The following SEMA3A variants were observed in gnomAD, a reference collection of about 807,000 sequenced individuals.
The protein encoded by SEMA3A is semaphorin 3A.
In SEMA3A, 29 loss-of-function variants were observed where a neutral mutation model predicts 97.9. That is an observed-to-expected ratio of 0.30 (90% CI 0.22 to 0.40). The LOEUF (loss-of-function observed/expected upper bound fraction) is 0.40, where lower values mean the gene tolerates loss of function less well. SEMA3A is among the 10% of genes least tolerant of loss of function. The pLI is 1.00. For missense variants in SEMA3A, 763 were observed against 951.3 expected (o/e 0.80, Z 2.60); for synonymous variants, 321 against 323.7 (o/e 0.99, Z 0.09).
chr7:84,363,039 G>A (rs1245284218), intron 2 of SEMA3A, among the ~76,000 whole-genome samples: 5 of 151,950 alleles, frequency 3.3e-5, no homozygotes, highest in East Asian at 3.9e-4. Context: ...GCAGGAAATA[G>A]ATGATATGCC....
At chr7:84,105,578 C>G (rs1795083928) in intron 4 of SEMA3A, among the ~76,000 whole-genome samples, 2 of 152,092 alleles carry the variant, frequency 1.3e-5, no homozygotes, top group African/African-American at 4.8e-5. Context: ...CAATTCAGCT[C>G]TCATCTGGGC....
In SEMA3A at chr7:84,467,675, A is replaced by C. The variant is rs542171798; in HGVS notation, c.-246+24785T>G. Among the ~76,000 whole-genome samples the C allele has an allele frequency of 3.9e-5, 6 of 152,110 alleles. 1 individual carries two copies. Among genetic ancestry groups the C allele is most frequent in the African/African-American group, 1.4e-4 (6 of 41,486 alleles). On this transcript the variant is annotated intron_variant, in intron 1 of 3. Transcript: ENST00000424555. ...TATTTTCCCGTTTTCAATGCATCCC[A>C]ACATCATTAACTTTCTGAGAACTCT... is the stretch of plus-strand genomic sequence containing the variant.
intron 2 of SEMA3A, among the ~76,000 whole-genome samples, chr7:84,314,193 T>C (rs999522120): frequency 1.3e-5 from 2 of 152,122 alleles, no homozygotes; most frequent in African/African-American, 2.4e-5. Context: ...CTGATGTCTA[T>C]AAAATCCTCT....
chr7:84,150,437 GGGGTCC>G (rs1161952787), intron 1 of SEMA3A, among the ~76,000 whole-genome samples: 4 of 152,218 alleles, frequency 2.6e-5, no homozygotes, highest in African/African-American at 9.6e-5. Flanking sequence ...GGAAGCGCAA[GGGGTCC>G]GGGAGTTCCC....
chr7:84,407,141 T>A (rs1296273038), intron 1 of SEMA3A, among the ~76,000 whole-genome samples: 3 of 152,206 alleles, frequency 2.0e-5, no homozygotes, highest in Non-Finnish European at 4.4e-5. Flanking sequence ...TGATTGTATA[T>A]CTGGAAAACC....
chr7:84,285,477 T>A (rs1800556727), intron 3 of SEMA3A, among the ~76,000 whole-genome samples: 1 of 146,974 alleles, frequency 6.8e-6, no homozygotes, highest in African/African-American at 2.7e-5. Context: ...AATAGAAAAC[T>A]TATTATATTT....
chr7:84,299,143 T>A (rs566632590), intron 3 of SEMA3A, among the ~76,000 whole-genome samples: 186 of 152,014 alleles, frequency 1.2e-3, no homozygotes, highest in African/African-American at 4.3e-3. Context: ...CTTCTTAACT[T>A]GCAGAACTTG....
At chr7:84,380,744 T>C (rs1008280687) in intron 1 of SEMA3A, among the ~76,000 whole-genome samples, 3 of 152,168 alleles carry the variant, frequency 2.0e-5, no homozygotes, top group African/African-American at 7.2e-5. Context: ...CTGGAAACCC[T>C]AGTGGAGAAT....
In SEMA3A at chr7:84,407,243, T is replaced by C. The variant is rs562588816; in HGVS notation, c.-245-35343A>G. On this transcript the variant is annotated intron_variant, in intron 1 of 3. Transcript: ENST00000424555. ...TCAATGTGCAAAAATCACAAGCATT[T>C]TTATACACCAATAACAGAGAGCCAA... Among the ~76,000 whole-genome samples the C allele has an allele frequency of 7.1e-4, 108 of 151,798 alleles. 1 individual carries two copies. The highest frequency in any genetic ancestry group is 2.4e-3 in the African/African-American group (98 of 41,482).
chr7:84,269,868 A>T (rs531850867), intron 3 of SEMA3A, among the ~76,000 whole-genome samples: 1 of 152,258 alleles, frequency 6.6e-6, no homozygotes, highest in Non-Finnish European at 1.5e-5. Context: ...CATAAAATAT[A>T]TAAACACATT....
At position 84,260,424 on chromosome 7, in the gene SEMA3A, G is replaced by A. The variant is rs571560613; in HGVS notation, c.-83+46783C>T. On this transcript the variant is annotated intron_variant, in intron 3 of 3. Transcript: ENST00000424555. The stretch of plus-strand genomic sequence containing the variant: ...ACCCGCCACCAAGTTGGTGGGGCAG[G>A]AGCCCACACTCCCAAGCTCAGTCAC... 2.4e-4 allele frequency among the ~76,000 whole-genome samples: 36 copies of A among 151,142 alleles called. 1 individual carries two copies. The South Asian group carries it at 7.4e-3, about 31-fold the overall frequency.
intron 1 of SEMA3A, among the ~76,000 whole-genome samples, chr7:84,424,612 A>AT (rs1554383750): frequency 3.4e-5 from 1 of 29,680 alleles, no homozygotes. Flanking sequence ...ATTAATATAT[A>AT]ATATAATATA....
chr7:84,409,189 T>C (rs114054972), intron 1 of SEMA3A, among the ~76,000 whole-genome samples: 3,976 of 151,530 alleles, frequency 0.026, 160 homozygotes, highest in African/African-American at 0.09. Context: ...TCTAGAAGTA[T>C]TGGAATGTTC....
chr7:83,995,209 C>T (rs185653488), intron 12 of SEMA3A, among the ~76,000 whole-genome samples: 2 of 152,256 alleles, frequency 1.3e-5, no homozygotes, highest in Non-Finnish European at 2.9e-5. Context: ...GACCTGCACC[C>T]ACTGTCTGGC....
chr7:83,963,016 T>A (rs1229673327), intron 16 of SEMA3A, among the ~76,000 whole-genome samples, 189 bp downstream of exon 16: 4 of 152,208 alleles, frequency 2.6e-5, no homozygotes, highest in Admixed American at 6.5e-5. Flanking sequence ...TTTGTTTCTC[T>A]AATTCATAGT....
chr7:84,285,408 G>A (rs1431793195), intron 3 of SEMA3A, among the ~76,000 whole-genome samples: 1 of 152,088 alleles, frequency 6.6e-6, no homozygotes, highest in Non-Finnish European at 1.5e-5. Flanking sequence ...AAGCATCCAT[G>A]CGAAATTTAA....
chr7:84,050,993 C>G (rs968844798), intron 5 of SEMA3A, among the ~76,000 whole-genome samples: 2 of 151,748 alleles, frequency 1.3e-5, no homozygotes, highest in Non-Finnish European at 2.9e-5. Context: ...TTGTTTTTCT[C>G]AGGTTTGTCA....
chr7:84,309,820 C>A (rs1436177868), intron 2 of SEMA3A, among the ~76,000 whole-genome samples: 1 of 152,018 alleles, frequency 6.6e-6, no homozygotes, highest in African/African-American at 2.4e-5. Flanking sequence ...AATACAAAGA[C>A]CCTGAGGCAA....
intron 1 of SEMA3A, among the ~76,000 whole-genome samples, chr7:84,433,495 G>A (rs1234538): frequency 0.18 from 27,024 of 151,942 alleles, 2,553 homozygotes; most frequent in Middle Eastern, 0.24. Flanking sequence ...ATTTGGGTTC[G>A]TTCCAAGTCT....
Sources: allele counts gnomAD v4.1 joint callset (sites outside exome capture counted in the v4.1 genomes callset), GRCh38; gene constraint gnomAD v4.1.1; transcripts MANE v1.5; gene names NCBI Gene and HGNC (gene_info 2026-07-23, HGNC 2026-07-21).